RGS6: variants seen among roughly 807,000 people sequenced by gnomAD.
RGS6 encodes regulator of G protein signaling 6.
RGS6 carries 30 observed loss-of-function variants against 78.5 expected under a neutral mutation model. That is an observed-to-expected ratio of 0.38 (90% confidence interval 0.29 to 0.52). The LOEUF is 0.52. Among genes scored for constraint, RGS6 ranks in the 20% least tolerant of loss-of-function variants. The pLI, the probability that RGS6 is intolerant of heterozygous loss-of-function variation, is 0.85. For missense variants in RGS6, 495 were observed against 609.7 expected, an observed-to-expected ratio of 0.81 and a Z score of 1.98; for synonymous variants, 206 against 206.0, an observed-to-expected ratio of 1.00 and a Z score of 0.00.
intron 2 of RGS6, among the ~76,000 whole-genome samples, chr14:72,075,372 G>A (rs1405628200): frequency 6.6e-6 from 1 of 152,100 alleles, no homozygotes; most frequent in East Asian, 1.9e-4. Context: ...AAGTAAATAC[G>A]ATACAGCCTT....
chr14:72,411,001 G>A lies in RGS6; in HGVS notation c.185-43527G>A, dbSNP rs1273466199. ...GTAGTATAGTTTGAAGTCAGGTAGC[G>A]TGATGCCTCCAGCTTTGTTCTTTTG... On this transcript the variant is annotated intron_variant, in intron 3 of 17. Coordinates refer to ENST00000553525, the MANE Select transcript of RGS6 (RefSeq NM_001204424.2). Among the ~76,000 whole-genome samples, 87 of 152,224 alleles carry A rather than the reference G, an allele frequency of 5.7e-4. 2 individuals are homozygous for A. Among genetic ancestry groups the A allele is most frequent in the African/African-American group, 1.3e-3 (52 of 41,538 alleles).
At chr14:72,389,660 C>A (rs542966795) in intron 3 of RGS6, among the ~76,000 whole-genome samples, 19 of 152,270 alleles carry the variant, frequency 1.2e-4, no homozygotes, top group African/African-American at 2.4e-4. Flanking sequence ...GCATCCTAAG[C>A]AGTACCATTG....
the RGS6 span, among the ~76,000 whole-genome samples, chr14:72,620,226 T>C: frequency 6.6e-6 from 1 of 152,182 alleles, no homozygotes; most frequent in African/African-American, 2.4e-5. Flanking sequence ...GCTCAACTCG[T>C]ACCTCCTCCA....
intron 2 of RGS6, among the ~76,000 whole-genome samples, chr14:71,987,615 C>T (rs1327855618): frequency 3.9e-5 from 6 of 152,098 alleles, no homozygotes; most frequent in Non-Finnish European, 8.8e-5. Flanking sequence ...GCCTTGACCT[C>T]TGGGGCTTGA....
At chr14:72,266,753 G>A (rs1318395649) in intron 2 of RGS6, among the ~76,000 whole-genome samples, 1 of 152,162 alleles carries the variant, frequency 6.6e-6, no homozygotes. Context: ...TTTCTTCCTA[G>A]GGGTGTCAGG....
intron 17 of RGS6, among the ~76,000 whole-genome samples, chr14:72,560,750 T>C (rs943526104): frequency 1.3e-5 from 2 of 151,864 alleles, no homozygotes; most frequent in Non-Finnish European, 2.9e-5. Context: ...CTAAGTTTAG[T>C]GCACTTGAAG....
At chr14:72,091,887 C>G (rs536968144) in intron 2 of RGS6, among the ~76,000 whole-genome samples, 5 of 152,332 alleles carry the variant, frequency 3.3e-5, no homozygotes, top group Admixed American at 1.3e-4. Flanking sequence ...TATTAATACT[C>G]TATTCTCTAA....
intron 2 of RGS6, among the ~76,000 whole-genome samples, chr14:72,226,950 G>A (rs561587519): frequency 6.6e-6 from 1 of 152,314 alleles, no homozygotes; most frequent in African/African-American, 2.4e-5. Flanking sequence ...ACCTCCCAAA[G>A]TGGAGGCATT....
intron 15 of RGS6, among the ~76,000 whole-genome samples, chr14:72,519,723 G>C (rs2097006001): frequency 6.6e-6 from 1 of 152,190 alleles, no homozygotes; most frequent in Non-Finnish European, 1.5e-5. Context: ...TCTTTGCTGA[G>C]ATATTTTTGC....
intron 2 of RGS6, among the ~76,000 whole-genome samples, chr14:71,981,770 C>T (rs1235781127): frequency 1.3e-5 from 2 of 150,360 alleles, no homozygotes; most frequent in African/African-American, 4.9e-5. Context: ...AGAGGTGGAG[C>T]CTACAGAGGC....
At chr14:72,242,880 G>T (rs368701906) in intron 2 of RGS6, among the ~76,000 whole-genome samples, 2 of 109,362 alleles carry the variant, frequency 1.8e-5, no homozygotes. Context: ...ATGGAGTCTC[G>T]CTCTGTCATC....
At chr14:72,445,310 C>T (rs1331357722) in intron 3 of RGS6, among the ~76,000 whole-genome samples, 1 of 152,168 alleles carries the variant, frequency 6.6e-6, no homozygotes, top group East Asian at 1.9e-4. Flanking sequence ...CTGCCTTAGT[C>T]ATCCAAGTAG....
intron 2 of RGS6, among the ~76,000 whole-genome samples, chr14:71,983,870 T>C (rs1179855475): frequency 6.6e-6 from 1 of 152,230 alleles, no homozygotes; most frequent in Non-Finnish European, 1.5e-5. Context: ...CAACAATTTC[T>C]AGTTTATCAC....
intron 1 of RGS6, among the ~76,000 whole-genome samples, chr14:71,947,625 C>T (rs1265720241): frequency 6.6e-6 from 1 of 152,180 alleles, no homozygotes; most frequent in African/African-American, 2.4e-5. Context: ...GCTGGGACTA[C>T]AGGCGTGTGC....
chr14:72,363,999 TAAAAAAAAA>T (rs55943058), intron 3 of RGS6, among the ~76,000 whole-genome samples: 6 of 46,802 alleles, frequency 1.3e-4, no homozygotes, highest in Admixed American at 7.0e-4. Context: ...TGGACAAGGC[TAAAAAAAAA>T]AAAAAAAAAA....
At chr14:72,069,449 G>A (rs909753029) in intron 2 of RGS6, among the ~76,000 whole-genome samples, 1 of 152,086 alleles carries the variant, frequency 6.6e-6, no homozygotes, top group Admixed American at 6.6e-5. Flanking sequence ...AGCTCAGAAT[G>A]TTTTAACTCC....
the RGS6 span, among the ~76,000 whole-genome samples, chr14:71,871,142 G>C: frequency 6.6e-6 from 1 of 152,100 alleles, no homozygotes; most frequent in African/African-American, 2.4e-5. Flanking sequence ...AGCTTGTTTG[G>C]GTCTGTTCTA....
chr14:72,308,667 A>G (rs182366064), intron 2 of RGS6, among the ~76,000 whole-genome samples: 55 of 152,348 alleles, frequency 3.6e-4, no homozygotes, highest in Admixed American at 4.6e-4. Flanking sequence ...TGCTCAGATA[A>G]AAATGCAGGA....
chr14:71,945,869 C>T (rs1482893754), intron 1 of RGS6, among the ~76,000 whole-genome samples: 2 of 152,074 alleles, frequency 1.3e-5, no homozygotes, highest in African/African-American at 4.8e-5. Context: ...CTGCCCAATC[C>T]AAGAGAAACA....
Sources: gnomAD v4.1 joint callset for allele counts (sites outside exome capture counted in the v4.1 genomes callset) on GRCh38, gnomAD v4.1.1 for gene constraint, MANE v1.5 for transcripts, NCBI Gene and HGNC (gene_info 2026-07-23, HGNC 2026-07-21) for gene names.